ATF7IP2: variants seen among roughly 807,000 people sequenced by gnomAD.
The protein encoded by ATF7IP2 is activating transcription factor 7 interacting protein 2, also known as activating transcription factor 7-interacting protein 2.
In ATF7IP2, 42 loss-of-function variants were observed where a neutral mutation model predicts 64.2. That is an observed-to-expected ratio of 0.65 (90% CI 0.51 to 0.85). ATF7IP2 has a LOEUF of 0.85. Among genes scored for constraint, ATF7IP2 ranks in the 40% least tolerant of loss-of-function variants. The pLI is 0.00. For synonymous variants in ATF7IP2, 308 were observed against 272.8 expected (o/e 1.13, Z -1.27); for missense variants, 933 against 784.2 (o/e 1.19, Z -2.27).
intron 1 of ATF7IP2, among the ~76,000 whole-genome samples, chr16:10,400,826 T>G (rs1283359963): frequency 6.6e-6 from 1 of 152,014 alleles, no homozygotes; most frequent in African/African-American, 2.4e-5. Context: ...AGATTACAGG[T>G]GCCCGCCACC....
At position 10,483,431 on chromosome 16, in the gene ATF7IP2, G is replaced by C. The variant is rs554530449; in HGVS notation, c.*1182G>C. On this transcript the variant is annotated 3_prime_UTR_variant, in exon 14 of 14. Transcript: ENST00000562102. ...TAGTACAAGCAGCCCAAGAAACTCT[G>C]AACGGGGCCCAATGGAGGCAAACTT... 1 of 152,254 alleles carries C rather than the reference G, an allele frequency of 6.6e-6. No individual in the cohort carries two copies. The highest frequency in any genetic ancestry group is 6.5e-5 in the Admixed American group (1 of 15,284). 9.4% of individuals were successfully genotyped at this position (152,254 alleles called of 1,614,324 possible).
At chr16:10,460,364 A>G (rs1016310308) in intron 9 of ATF7IP2, among the ~76,000 whole-genome samples, 6 of 152,200 alleles carry the variant, frequency 3.9e-5, no homozygotes, top group African/African-American at 7.2e-5. Flanking sequence ...AATTTTATAG[A>G]ACTTTATGAC....
At chr16:10,464,678 T>TA (rs894963268) in intron 9 of ATF7IP2, among the ~76,000 whole-genome samples, 1 of 152,150 alleles carries the variant, frequency 6.6e-6, no homozygotes, top group African/African-American at 2.4e-5. Flanking sequence ...TAATCCTGCC[T>TA]AAAAAAATCT....
intron 9 of ATF7IP2, among the ~76,000 whole-genome samples, chr16:10,466,926 T>C (rs1375360475): frequency 6.6e-6 from 1 of 152,188 alleles, no homozygotes; most frequent in African/African-American, 2.4e-5. Context: ...TTGGATCACC[T>C]GTGCATCTGT....
chr16:10,433,138 A>G (rs964973984), intron 5 of ATF7IP2, among the ~76,000 whole-genome samples: 2 of 152,040 alleles, frequency 1.3e-5, no homozygotes, highest in African/African-American at 4.8e-5. Context: ...TAGTTTTTCC[A>G]TTTGCTCAGA....
chr16:10,406,231 C>T (rs995874604), intron 1 of ATF7IP2, among the ~76,000 whole-genome samples: 1 of 152,246 alleles, frequency 6.6e-6, no homozygotes, highest in Non-Finnish European at 1.5e-5. Flanking sequence ...CTCAGCCTCT[C>T]GAGTAGCTGG....
chr16:10,482,070 T>G lies in ATF7IP2; in HGVS notation c.1870T>G (p.Leu624Val). The G allele has an allele frequency of 6.2e-7, 1 of 1,614,110 alleles. No homozygotes were observed. Among genetic ancestry groups the G allele is most frequent in the Non-Finnish European group, 8.5e-7 (1 of 1,179,978 alleles). ...GTGTCATGAGAACTCTAATAATAAG[T>G]TGATTTGGAAGAAGATTGGAGAAAT... ...FLCHENSNNKLIWKKIGEIKA... is the reference protein window; with the variant it reads ...FLCHENSNNKVIWKKIGEIKA... Residue 624 changes from leucine (L) to valine (V), a missense_variant, in exon 14 of 14, where the codon TTG becomes GTG. Leu to Val is a conservative substitution (Grantham distance 32, BLOSUM62 1). Coordinates refer to ENST00000562102, the MANE Select transcript of ATF7IP2 (RefSeq NM_001393719.1).
chr16:10,434,175 C>T (rs931416684), intron 6 of ATF7IP2, among the ~76,000 whole-genome samples: 1 of 152,214 alleles, frequency 6.6e-6, no homozygotes, highest in Admixed American at 6.5e-5. Context: ...TGTATAGCAT[C>T]ATTAAATACA....
At chr16:10,442,186 C>G (rs1252174643) in intron 8 of ATF7IP2, among the ~76,000 whole-genome samples, 1 of 152,136 alleles carries the variant, frequency 6.6e-6, no homozygotes, top group Non-Finnish European at 1.5e-5. Context: ...GAAGGCATGC[C>G]TGGGTGTGTA....
intron 1 of ATF7IP2, among the ~76,000 whole-genome samples, chr16:10,408,913 C>G (rs1330059894): frequency 1.3e-5 from 2 of 152,148 alleles, no homozygotes; most frequent in Non-Finnish European, 2.9e-5. Flanking sequence ...AAATCCTTGC[C>G]TAAGTCAATG....
At chr16:10,414,769 A>G (rs1020360121) in intron 2 of ATF7IP2, among the ~76,000 whole-genome samples, 157 bp downstream of exon 2, 3 of 151,996 alleles carry the variant, frequency 2.0e-5, no homozygotes, top group African/African-American at 7.3e-5. Flanking sequence ...GGAAAGGTTT[A>G]GGGATCAAGA....
intron 1 of ATF7IP2, among the ~76,000 whole-genome samples, chr16:10,412,282 G>A (rs138293959): frequency 6.6e-6 from 1 of 151,684 alleles, no homozygotes; most frequent in Non-Finnish European, 1.5e-5. Flanking sequence ...GTCTGTTTGT[G>A]CTCTTTCAGA....
intron 8 of ATF7IP2, among the ~76,000 whole-genome samples, chr16:10,450,051 T>C (rs2048936275): frequency 1.3e-5 from 2 of 152,202 alleles, no homozygotes; most frequent in South Asian, 2.1e-4. Context: ...AGAACATCTT[T>C]ATTTCTGCCT....
chr16:10,394,607 G>C (rs2047389048), intron 1 of ATF7IP2, among the ~76,000 whole-genome samples: 1 of 152,114 alleles, frequency 6.6e-6, no homozygotes, highest in South Asian at 2.1e-4. Flanking sequence ...CATCAATATA[G>C]TCACACTAGG....
chr16:10,432,863 A>T (rs2141886217), intron 5 of ATF7IP2, among the ~76,000 whole-genome samples: 1 of 148,004 alleles, frequency 6.8e-6, no homozygotes, highest in Admixed American at 6.7e-5. Context: ...GGGCGACAAG[A>T]GTGAGACTCC....
intron 3 of ATF7IP2, among the ~76,000 whole-genome samples, chr16:10,421,931 A>C (rs1040497562): frequency 3.3e-5 from 5 of 152,220 alleles, no homozygotes; most frequent in Non-Finnish European, 5.9e-5. Flanking sequence ...TTAGTAAAGA[A>C]ACAGTCTTTT....
At chr16:10,480,252 C>T (rs1219148091) in intron 12 of ATF7IP2, among the ~76,000 whole-genome samples, 1 of 152,048 alleles carries the variant, frequency 6.6e-6, no homozygotes, top group African/African-American at 2.4e-5. Flanking sequence ...GCTGGGATGA[C>T]AGATGTGAGC....
At chr16:10,481,299 C>T (rs1205956324) in intron 13 of ATF7IP2, among the ~76,000 whole-genome samples, 1 of 152,148 alleles carries the variant, frequency 6.6e-6, no homozygotes, top group Non-Finnish European at 1.5e-5. Context: ...GGCATGATCT[C>T]GGCTCACTGC....
Position 10,431,182 on chromosome 16 carries a change from A to C in ATF7IP2, c.562A>C (p.Thr188Pro). ...VQMPESTVTS[T>P]VGDKKTDQMV... Reference sequence around the variant, plus strand: ...GATGCCAGAGTCTACAGTAACCAGTACCGTGGGTGACAAGAAAACTGACCA... The same window carrying C: ...GATGCCAGAGTCTACAGTAACCAGTCCCGTGGGTGACAAGAAAACTGACCA... The change falls in exon 5 of 14, where the codon ACC (threonine) becomes CCC (proline). Residue 188 changes from threonine to proline, a missense_variant. Thr to Pro is a conservative substitution (Grantham distance 38, BLOSUM62 -1). Transcript: ENST00000562102. 1 of 1,614,242 alleles carries C rather than the reference A, an allele frequency of 6.2e-7. No individual in the cohort carries two copies. The highest frequency in any genetic ancestry group is 8.5e-7 in the Non-Finnish European group (1 of 1,180,044).
Sources: allele counts gnomAD v4.1 joint callset (sites outside exome capture counted in the v4.1 genomes callset), GRCh38; gene constraint gnomAD v4.1.1; transcripts MANE v1.5; gene names NCBI Gene and HGNC (gene_info 2026-07-23, HGNC 2026-07-21).